The following MLXIP variants were observed in gnomAD, a reference collection of about 807,000 sequenced individuals.
MLXIP encodes the protein MLX interacting protein.
MLXIP carries 30 observed loss-of-function variants against 87.2 expected under a neutral mutation model. The observed-to-expected ratio is 0.34, with a 90% CI of 0.26 to 0.47. The LOEUF (loss-of-function observed/expected upper bound fraction) is 0.47, where lower values mean the gene tolerates loss of function less well. Among genes scored for constraint, MLXIP ranks in the 20% least tolerant of loss-of-function variants. MLXIP has a pLI of 1.00. For missense variants in MLXIP, 1,002 were observed against 1,240.1 expected, an observed-to-expected ratio of 0.81 and a Z score of 2.88; for synonymous variants, 530 against 514.0, an observed-to-expected ratio of 1.03 and a Z score of -0.42.
At chr12:122,088,763 T>A (rs531177281) in intron 1 of MLXIP, among the ~76,000 whole-genome samples, 1 of 152,242 alleles carries the variant, frequency 6.6e-6, no homozygotes, top group African/African-American at 2.4e-5. Context: ...CCGTGTTTGC[T>A]CTGCTCCCAT....
rs146922017 is a variant in MLXIP at position 122,099,375 on chromosome 12, T to C, written c.413+20109T>C. Among the ~76,000 whole-genome samples the C allele has an allele frequency of 3.3e-5, 5 of 152,392 alleles. No homozygotes were observed. In the East Asian group the frequency reaches 9.6e-4, roughly 29 times the overall value. On this transcript the variant is annotated intron_variant, in intron 1 of 16. Transcript: ENST00000319080. ...AGCTGTTGGCAGCCAGCGGGCATCC[T>C]GGACCCCAGCTGTTGCAGCCAGCCT... is the stretch of plus-strand genomic sequence containing the variant.
chr12:122,127,516 G>A (rs900468963), intron 2 of MLXIP, 154 bp downstream of exon 2: 2 of 177,270 alleles, frequency 1.1e-5, no homozygotes, highest in Non-Finnish European at 2.2e-5. Flanking sequence ...AGGCCCAGCA[G>A]AGGGGTGGCA....
At chr12:122,129,060 G>A (rs1443877859) in intron 3 of MLXIP, 77 bp from the exon 4 acceptor site, 20 of 1,220,922 alleles carry the variant, frequency 1.6e-5, no homozygotes, top group African/African-American at 6.0e-5. Flanking sequence ...TTATAGTGCC[G>A]GATACTCAGT....
At chr12:122,095,799 A>G (rs899954555) in intron 1 of MLXIP, among the ~76,000 whole-genome samples, 85 of 151,972 alleles carry the variant, frequency 5.6e-4, no homozygotes, top group African/African-American at 2.0e-3. Context: ...GTTTATCCTT[A>G]TAGACCTTAT....
At chr12:122,127,740 C>G in intron 2 of MLXIP, 143 bp from the exon 3 acceptor site, 1 of 690,298 alleles carries the variant, frequency 1.4e-6, no homozygotes. Flanking sequence ...CCTTTATTTC[C>G]CTGAAATCTC....
intron 1 of MLXIP, among the ~76,000 whole-genome samples, chr12:122,095,367 G>T (rs1385268342): frequency 6.6e-6 from 1 of 151,996 alleles, no homozygotes; most frequent in Non-Finnish European, 1.5e-5. Context: ...CCTTGCACAG[G>T]TTCCTTAGGA....
At chr12:122,079,404 G>A in intron 1 of MLXIP, 138 bp downstream of exon 1, 1 of 769,302 alleles carries the variant, frequency 1.3e-6, no homozygotes, top group Non-Finnish European at 2.1e-6. Flanking sequence ...AGGGTTTATG[G>A]ATCTGGGGTT....
Position 122,146,449 on chromosome 12 carries a change from C to T in MLXIP, c.*4637C>T, listed in dbSNP as rs532532440. 5 of 152,462 alleles carry T rather than the reference C, an allele frequency of 3.3e-5. No individual in the cohort carries two copies. The highest frequency in any genetic ancestry group is 1.2e-4 in the African/African-American group (5 of 41,530). The allele number at this position is 152,462 out of a possible 1,614,324, so 9.4% of individuals were successfully genotyped here. ...TAGGACCCCCACCCCCATGCCTGTA[C>T]CAGGGCTGGCCTCCAGAGCGGGTGA... On this transcript the variant is annotated 3_prime_UTR_variant, in exon 17 of 17. Transcript: ENST00000319080.
At chr12:122,082,883 TG>T (rs1952111834) in intron 1 of MLXIP, among the ~76,000 whole-genome samples, 1 of 152,220 alleles carries the variant, frequency 6.6e-6, no homozygotes, top group South Asian at 2.1e-4. Context: ...GATAGTGATG[TG>T]ATCACAGCTC....
At position 122,145,054 on chromosome 12, in the gene MLXIP, C is replaced by T. The variant is rs981679699; in HGVS notation, c.*3242C>T. 5.3e-5 allele frequency: 8 copies of T among 152,270 alleles called. No homozygotes were observed. The highest frequency in any genetic ancestry group is 1.9e-4 in the African/African-American group (8 of 41,464). The allele number at this position is 152,270 out of a possible 1,614,324, so 9.4% of individuals were successfully genotyped here. On this transcript the variant is annotated 3_prime_UTR_variant, in exon 17 of 17. Transcript: ENST00000319080. ...GGAGACCCCAGAGCGGGGCAGGCGC[C>T]ACTGAGGGCTTTTCTTGGAGTCGGC...
chr12:122,093,811 G>A (rs893451215), intron 1 of MLXIP, among the ~76,000 whole-genome samples: 13 of 143,724 alleles, frequency 9.0e-5, no homozygotes, highest in South Asian at 4.6e-4. Context: ...GGTGTGTGTC[G>A]TGTGTTGGTG....
In MLXIP at chr12:122,126,007, G is replaced by C. The variant is rs540182850; in HGVS notation, c.414-1249G>C. On this transcript the variant is annotated intron_variant, in intron 1 of 16. Coordinates refer to ENST00000319080, the MANE Select transcript of MLXIP (RefSeq NM_014938.6). ...CTTGCCACGTGGCCTTTCTGAGTGG[G>C]ACTGGAGAAGGGGCAGGGCTGTGGC... Among the ~76,000 whole-genome samples the C allele has an allele frequency of 3.1e-4, 47 of 152,344 alleles. 1 individual carries two copies. The highest frequency in any genetic ancestry group is 1.0e-3 in the African/African-American group (42 of 41,588).
chr12:122,093,952 T>G (rs1388602532), intron 1 of MLXIP, among the ~76,000 whole-genome samples: 3 of 131,466 alleles, frequency 2.3e-5, no homozygotes, highest in Non-Finnish European at 4.9e-5. Flanking sequence ...GGTGTGTTGG[T>G]GTGTGTGTTG....
chr12:122,078,945 A>T lies in MLXIP; in HGVS notation c.92A>T (p.Asp31Val). The T allele has an allele frequency of 2.7e-6, 3 of 1,117,102 alleles. No individual in the cohort carries two copies. The highest frequency in any genetic ancestry group is 3.3e-6 in the Non-Finnish European group (3 of 909,096). 69.2% of individuals were successfully genotyped at this position (1,117,102 alleles called of 1,614,324 possible). Reference sequence around the variant, plus strand: ...AAGCCCCAGGTGTCCGAGGACGACGACGACTCGGACACGGATGAGCCGTCC... The same window carrying T: ...AAGCCCCAGGTGTCCGAGGACGACGTCGACTCGGACACGGATGAGCCGTCC... ...LLKPQVSEDDDDSDTDEPSPP... is the reference protein window; with the variant it reads ...LLKPQVSEDDVDSDTDEPSPP... Residue 31 changes from aspartate (D) to valine (V), a missense_variant, in exon 1 of 17, where the codon GAC (aspartate) becomes GTC (valine). Transcript: ENST00000319080.
intron 7 of MLXIP, 142 bp from the exon 8 acceptor site, chr12:122,132,150 T>G (rs1467374405): frequency 3.3e-6 from 2 of 612,020 alleles, no homozygotes; most frequent in African/African-American, 3.7e-5. Context: ...TCTTGATCTC[T>G]TGACCTCATG....
chr12:122,109,216 G>A (rs1024360157), intron 1 of MLXIP, among the ~76,000 whole-genome samples: 6 of 151,952 alleles, frequency 3.9e-5, no homozygotes, highest in African/African-American at 1.2e-4. Context: ...TACAAGGCGT[G>A]AGCCACCACG....
At chr12:122,102,240 A>T (rs1952448785) in intron 1 of MLXIP, among the ~76,000 whole-genome samples, 1 of 151,966 alleles carries the variant, frequency 6.6e-6, no homozygotes, top group African/African-American at 2.4e-5. Context: ...TCTACAAATT[A>T]AAAAAAACAC....
At chr12:122,092,056 T>C (rs1269554508) in intron 1 of MLXIP, among the ~76,000 whole-genome samples, 3 of 152,144 alleles carry the variant, frequency 2.0e-5, no homozygotes, top group East Asian at 1.9e-4. Flanking sequence ...ATATTTTTTT[T>C]CCCCTTTCTT....
At position 122,134,096 on chromosome 12, in the gene MLXIP, C is replaced by T. The variant is rs770273082; in HGVS notation, c.1732+109C>T. 4.7e-4 allele frequency: 604 copies of T among 1,281,602 alleles called. 3 individuals carry two copies. The highest frequency in any genetic ancestry group is 3.7e-5 in the Non-Finnish European group (35 of 951,678). 79.4% of individuals were successfully genotyped at this position (1,281,602 alleles called of 1,614,324 possible). A position where few individuals can be genotyped will look rare whatever the true frequency, so the allele number is the denominator to read the frequency against. The stretch of plus-strand genomic sequence containing the variant: ...ACCACCACCACCACCCTGGTGTGCA[C>T]GTGCATGCGCACACACATACACTTA... On this transcript the variant is annotated intron_variant, in intron 9 of 16. Coordinates refer to ENST00000319080, the MANE Select transcript of MLXIP (RefSeq NM_014938.6).
Sources: allele counts gnomAD v4.1 joint callset (sites outside exome capture counted in the v4.1 genomes callset), GRCh38; gene constraint gnomAD v4.1.1; transcripts MANE v1.5; gene names NCBI Gene and HGNC (gene_info 2026-07-23, HGNC 2026-07-21).